The following CCR8 variants were observed in gnomAD, a reference collection of about 807,000 sequenced individuals.
CCR8 encodes the protein C-C chemokine receptor type 8.
For synonymous variants in CCR8, 156 were observed against 165.7 expected (o/e 0.94, Z 0.45); for missense variants, 358 against 417.5 (o/e 0.86, Z 1.24).
At chr3:39,331,954 G>A (rs1052297355) in intron 1 of CCR8, among the ~76,000 whole-genome samples, 47 of 150,720 alleles carry the variant, frequency 3.1e-4, no homozygotes, top group African/African-American at 1.1e-3. Context: ...TGAGTAGCTA[G>A]GATTACAGGC....
Position 39,333,139 on chromosome 3 carries a change from G to A in CCR8, c.808G>A (p.Asp270Asn), listed in dbSNP as rs771877420. The A allele has an allele frequency of 8.7e-6, 14 of 1,613,938 alleles. No individual in the cohort carries two copies. The South Asian group carries it at 1.5e-4, about 18-fold the overall frequency. Residue 270 changes from aspartate to asparagine, a missense_variant, in exon 2 of 2, where the codon GAT becomes AAT. Asp to Asn is a conservative substitution (Grantham distance 23). Transcript: ENST00000326306. ...LTSLHSMHILDGCSISQQLTY... is the reference protein window; with the variant it reads ...LTSLHSMHILNGCSISQQLTY... ...TTCCTTGCACAGTATGCACATCTTG[G>A]ATGGATGTAGCATAAGCCAACAGCT...
rs2041272105 is a variant in CCR8 at position 39,333,354 on chromosome 3, C to A, written c.1023C>A (p.Cys341Ter). The A allele has an allele frequency of 9.9e-6, 16 of 1,613,784 alleles. No homozygotes were observed. The highest frequency in any genetic ancestry group is 1.4e-5 in the Non-Finnish European group (16 of 1,179,920). ...PRESCEKSSS[C>*]QQHSSRSSSV... Reference sequence around the variant, plus strand: ...AGAGCTGTGAAAAGTCATCATCCTGCCAGCAGCACTCCTCCCGTTCCTCCA... The same window carrying A: ...AGAGCTGTGAAAAGTCATCATCCTGACAGCAGCACTCCTCCCGTTCCTCCA... Residue 341 changes from cysteine (C) to a stop codon, truncating the protein, a stop_gained, in exon 2 of 2, where the codon TGC becomes TGA. Transcript: ENST00000326306. LOFTEE classifies it high-confidence loss of function.
chr3:39,333,066 T>C lies in CCR8; in HGVS notation c.735T>C (p.Ile245=). The C allele has an allele frequency of 6.2e-7, 1 of 1,614,114 alleles. No individual in the cohort carries two copies. Residue 245 remains isoleucine, a synonymous_variant, in exon 2 of 2, where the codon ATT becomes ATC. Coordinates refer to ENST00000326306, the MANE Select transcript of CCR8 (RefSeq NM_005201.4). ...TCAGGTTGGTGCTCATTGTGGTCAT[T>C]GCATCTTTACTTTTCTGGGTCCCAT... The part of the protein sequence containing the change: ...KAIRLVLIVV[I]ASLLFWVPFN...
chr3:39,330,236 G>C (rs1002149306), intron 1 of CCR8, among the ~76,000 whole-genome samples: 1 of 152,134 alleles, frequency 6.6e-6, no homozygotes, highest in Non-Finnish European at 1.5e-5. Flanking sequence ...ACTTTCATAT[G>C]ACTAAAGAAG....
At chr3:39,330,753 C>A (rs1006338914) in intron 1 of CCR8, among the ~76,000 whole-genome samples, 1 of 151,024 alleles carries the variant, frequency 6.6e-6, no homozygotes, top group African/African-American at 2.4e-5. Context: ...AAACAATAAG[C>A]AAAATACAAA....
intron 1 of CCR8, among the ~76,000 whole-genome samples, chr3:39,331,968 C>T (rs2041259775): frequency 6.6e-6 from 1 of 150,718 alleles, no homozygotes; most frequent in African/African-American, 2.4e-5. Flanking sequence ...TACAGGCATG[C>T]ACCCGCCATG....
Position 39,333,194 on chromosome 3 carries a change from T to C in CCR8, c.863T>C (p.Ile288Thr). 14 of 1,614,124 alleles carry C rather than the reference T, an allele frequency of 8.7e-6. No homozygotes were observed. Among genetic ancestry groups the C allele is most frequent in the Non-Finnish European group, 1.2e-5 (14 of 1,180,004 alleles). ...TATGCCACCCATGTCACAGAAATCA[T>C]TTCCTTTACTCACTGCTGTGTGAAC... ...LTYATHVTEI[I>T]SFTHCCVNPV... The change falls in exon 2 of 2, where the codon ATT (isoleucine) becomes ACT (threonine). Residue 288 changes from isoleucine to threonine, a missense_variant. Ile to Thr is a moderately conservative substitution (Grantham distance 89, BLOSUM62 -1). Transcript: ENST00000326306.
rs1428243669 is a variant in CCR8, at chr3:39,332,360, C to T, written c.29C>T (p.Thr10Ile). Residue 10 changes from threonine to isoleucine, a missense_variant, in exon 2 of 2, where the codon ACA (threonine) becomes ATA (isoleucine). Transcript: ENST00000326306. MDYTLDLSV[T>I]TVTDYYYPDI... ...GATTATACACTTGACCTCAGTGTGACAACAGTGACCGACTACTACTACCCT... is the reference window on the plus strand; with the variant it reads ...GATTATACACTTGACCTCAGTGTGATAACAGTGACCGACTACTACTACCCT... 6.2e-7 allele frequency: 1 copy of T among 1,613,794 alleles called. No homozygotes were observed. Among genetic ancestry groups the T allele is most frequent in the South Asian group, 1.1e-5 (1 of 91,062 alleles).
In CCR8 at chr3:39,333,485, C is replaced by A; in HGVS notation, c.*86C>A. The A allele has an allele frequency of 9.4e-7, 1 of 1,066,324 alleles. No individual in the cohort carries two copies. The highest frequency in any genetic ancestry group is 1.3e-6 in the Non-Finnish European group (1 of 742,764). 66.1% of individuals were successfully genotyped at this position (1,066,324 alleles called of 1,614,324 possible). On this transcript the variant is annotated 3_prime_UTR_variant, in exon 2 of 2. Transcript: ENST00000326306. ...CAAAGGTGTGGGTGTGAAAGGTTTC[C>A]AAAAAAAGTTCAGCATGAAGGATGC...
chr3:39,332,227 G>T, intron 1 of CCR8, 91 bp from the exon 2 acceptor site: 1 of 733,418 alleles, frequency 1.4e-6, no homozygotes. Flanking sequence ...AATTTGGGGA[G>T]GACACAGTTC....
At position 39,333,133 on chromosome 3, in the gene CCR8, A is replaced by C; in HGVS notation, c.802A>C (p.Ile268Leu). ...LFLTSLHSMH[I>L]LDGCSISQQL... ...CCTCACTTCCTTGCACAGTATGCAC[A>C]TCTTGGATGGATGTAGCATAAGCCA... is the stretch of plus-strand genomic sequence containing the variant. The change falls in exon 2 of 2, where the codon ATC becomes CTC. Residue 268 changes from isoleucine to leucine, a missense_variant. By Grantham distance (5) the Ile-to-Leu change is conservative. Coordinates refer to ENST00000326306, the MANE Select transcript of CCR8 (RefSeq NM_005201.4). 1 of 1,614,108 alleles carries C rather than the reference A, an allele frequency of 6.2e-7. No homozygotes were observed.
chr3:39,330,224 A>T (rs1386256559), intron 1 of CCR8, among the ~76,000 whole-genome samples: 1 of 152,180 alleles, frequency 6.6e-6, no homozygotes, highest in Non-Finnish European at 1.5e-5. Flanking sequence ...GCCAGCGAGC[A>T]AACTTTCATA....
rs1164825662 is a variant in CCR8 at position 39,332,989 on chromosome 3, AAAATCCTGCAC to A, written c.659_669del (p.Lys220ThrfsTer50). ...CACCATCTTTATGTTCTGCTACATT[AAAATCCTGCAC>A]CAGCTGAAGAGGTGTCAAAACCACA... is the stretch of plus-strand genomic sequence containing the variant. On this transcript the variant is annotated frameshift_variant, in exon 2 of 2. Coordinates refer to ENST00000326306, the MANE Select transcript of CCR8 (RefSeq NM_005201.4). LOFTEE classifies it low-confidence loss of function (END_TRUNC). 1 of 1,614,056 alleles carries A rather than the reference AAAATCCTGCAC, an allele frequency of 6.2e-7. No homozygotes were observed. Among genetic ancestry groups the A allele is most frequent in the African/African-American group, 1.3e-5 (1 of 74,936 alleles).
Position 39,333,085 on chromosome 3 carries a change from G to A in CCR8, c.754G>A (p.Val252Ile), listed in dbSNP as rs2041270123. Reference protein sequence around the residue: ...IVVIASLLFWVPFNVVLFLTS... With the variant: ...IVVIASLLFWIPFNVVLFLTS... ...GGTCATTGCATCTTTACTTTTCTGG[G>A]TCCCATTCAACGTGGTTCTTTTCCT... is the stretch of plus-strand genomic sequence containing the variant. Residue 252 changes from valine to isoleucine, a missense_variant, in exon 2 of 2, where the codon GTC (valine) becomes ATC (isoleucine). Val to Ile is a conservative substitution (Grantham distance 29). Transcript: ENST00000326306. The A allele has an allele frequency of 1.2e-6, 2 of 1,614,046 alleles. No individual in the cohort carries two copies. Among genetic ancestry groups the A allele is most frequent in the Non-Finnish European group, 8.5e-7 (1 of 1,180,020 alleles).
chr3:39,329,926 G>A (rs2041244427), intron 1 of CCR8, 97 bp downstream of exon 1: 1 of 152,208 alleles, frequency 6.6e-6, no homozygotes, highest in Non-Finnish European at 1.5e-5. Context: ...CAAAATTTCA[G>A]AGGTCTAGCA....
rs763851284 is a variant in CCR8 at position 39,332,624 on chromosome 3, A to C, written c.293A>C (p.Gln98Pro). ...FPFQTYYLLDQWVFGTVMCKV... is the reference protein window; with the variant it reads ...FPFQTYYLLDPWVFGTVMCKV... ...TTTCAGACCTACTATCTGCTGGACCAGTGGGTGTTTGGGACTGTAATGTGC... is the reference window on the plus strand; with the variant it reads ...TTTCAGACCTACTATCTGCTGGACCCGTGGGTGTTTGGGACTGTAATGTGC... Residue 98 changes from glutamine to proline, a missense_variant, in exon 2 of 2, where the codon CAG becomes CCG. Transcript: ENST00000326306. 6.2e-7 allele frequency: 1 copy of C among 1,614,066 alleles called. No homozygotes were observed.
intron 1 of CCR8, among the ~76,000 whole-genome samples, chr3:39,330,326 G>T (rs1318186667): frequency 6.6e-6 from 1 of 152,214 alleles, no homozygotes; most frequent in East Asian, 1.9e-4. Flanking sequence ...TCAGGGCTTT[G>T]TGTGAGATCA....
Position 39,332,728 on chromosome 3 carries a change from C to T in CCR8, c.397C>T (p.Leu133=), listed in dbSNP as rs1381873276. The T allele has an allele frequency of 1.2e-6, 2 of 1,614,138 alleles. No individual in the cohort carries two copies. The highest frequency in any genetic ancestry group is 1.7e-5 in the Admixed American group (1 of 60,032). Residue 133 remains leucine, a synonymous_variant, in exon 2 of 2, where the codon CTG becomes TTG. Coordinates refer to ENST00000326306, the MANE Select transcript of CCR8 (RefSeq NM_005201.4). ...FITLMSVDRY[L]AVVHAVYALK... Reference sequence around the variant, plus strand: ...CACCCTCATGAGTGTGGACAGGTACCTGGCTGTTGTCCATGCCGTGTATGC... The same window carrying T: ...CACCCTCATGAGTGTGGACAGGTACTTGGCTGTTGTCCATGCCGTGTATGC...
Position 39,329,765 on chromosome 3 carries a change from G to T in CCR8, c.-79G>T, listed in dbSNP as rs947696019. On this transcript the variant is annotated 5_prime_UTR_variant, in exon 1 of 2. Transcript: ENST00000326306. ...GCTCATTGAGCTGCACTCACATGAG[G>T]ATACAGACTTTGTGAAGAAGGAATT... 1 of 152,234 alleles carries T rather than the reference G, an allele frequency of 6.6e-6. No homozygotes were observed. The highest frequency in any genetic ancestry group is 6.5e-5 in the Admixed American group (1 of 15,278). The allele number at this position is 152,234 out of a possible 1,614,324, so 9.4% of individuals were successfully genotyped here. A position where few individuals can be genotyped will look rare whatever the true frequency, so the allele number is the denominator to read the frequency against.
Sources: gnomAD v4.1 joint callset for allele counts (sites outside exome capture counted in the v4.1 genomes callset) on GRCh38, gnomAD v4.1.1 for gene constraint, MANE v1.5 for transcripts, NCBI Gene and HGNC (gene_info 2026-07-23, HGNC 2026-07-21) for gene names.